Variants in CDH10 observed in about 807,000 individuals in gnomAD.
CDH10 encodes cadherin 10.
In CDH10, 30 loss-of-function variants were observed where a neutral mutation model predicts 73.1. The ratio of observed to expected loss-of-function variants is 0.41; its 90% CI spans 0.31 to 0.56. The LOEUF is 0.56. CDH10 is among the 20% of genes least tolerant of loss of function. The pLI, the probability that CDH10 is intolerant of heterozygous loss-of-function variation, is 0.27. For synonymous variants in CDH10, 345 were observed against 348.2 expected (o/e 0.99, Z 0.10); for missense variants, 815 against 973.7 (o/e 0.84, Z 2.17).
intron 1 of CDH10, among the ~76,000 whole-genome samples, chr5:24,638,763 T>C (rs992026330): frequency 6.6e-6 from 1 of 151,830 alleles, no homozygotes; most frequent in African/African-American, 2.4e-5. Flanking sequence ...CAAAAAAGAA[T>C]AGAAAATATA....
intron 2 of CDH10, among the ~76,000 whole-genome samples, chr5:24,546,837 A>G (rs1744360959): frequency 6.6e-6 from 1 of 152,098 alleles, no homozygotes; most frequent in Non-Finnish European, 1.5e-5. Context: ...TATCTATTTT[A>G]TTTATTTATA....
intron 8 of CDH10, 118 bp downstream of exon 8, chr5:24,504,994 C>T (rs919547706): frequency 2.2e-5 from 16 of 729,378 alleles, no homozygotes; most frequent in Non-Finnish European, 2.0e-5. Context: ...ATTCATCTGT[C>T]CAATGAGAAT....
At chr5:24,532,191 A>C (rs1743778286) in intron 5 of CDH10, among the ~76,000 whole-genome samples, 1 of 152,102 alleles carries the variant, frequency 6.6e-6, no homozygotes, top group Non-Finnish European at 1.5e-5. Context: ...CAGGGAAATA[A>C]TGAATTTGGA....
intron 1 of CDH10, among the ~76,000 whole-genome samples, chr5:24,635,842 GT>G (rs964699731): frequency 1.3e-5 from 2 of 151,846 alleles, no homozygotes; most frequent in African/African-American, 4.8e-5. Flanking sequence ...GCCTGGAAAT[GT>G]TTTGGTTCAA....
intron 2 of CDH10, among the ~76,000 whole-genome samples, chr5:24,558,937 T>C (rs1005402986): frequency 2.6e-5 from 4 of 151,836 alleles, no homozygotes; most frequent in Non-Finnish European, 5.9e-5. Flanking sequence ...TTCTATCTCA[T>C]TCAGCATTCC....
intron 2 of CDH10, among the ~76,000 whole-genome samples, chr5:24,541,403 C>T (rs1006226703): frequency 1.3e-5 from 2 of 151,990 alleles, no homozygotes; most frequent in African/African-American, 4.8e-5. Flanking sequence ...AATTCATTGA[C>T]TGAGTAATGA....
At chr5:24,553,208 A>G (rs1744615446) in intron 2 of CDH10, among the ~76,000 whole-genome samples, 1 of 137,200 alleles carries the variant, frequency 7.3e-6, no homozygotes, top group African/African-American at 2.7e-5. Context: ...AGAGCCACGG[A>G]TTTATTTCTT....
chr5:24,632,662 T>C (rs1457939250), intron 1 of CDH10, among the ~76,000 whole-genome samples: 1 of 152,006 alleles, frequency 6.6e-6, no homozygotes, highest in African/African-American at 2.4e-5. Flanking sequence ...CTAATAGCAA[T>C]GGACAACCAT....
At position 24,521,500 on chromosome 5, in the gene CDH10, G is replaced by A. The variant is rs1025871763; in HGVS notation, c.815-9986C>T. ...CGCATGCCTGTAATCCCAGCTACTC[G>A]GAAGGCTGAGGGAGGAGAAGAGAAT... On this transcript the variant is annotated intron_variant, in intron 5 of 11. Transcript: ENST00000264463. Among the ~76,000 whole-genome samples, 7 of 151,632 alleles carry A rather than the reference G, an allele frequency of 4.6e-5. No homozygotes were observed. The South Asian group carries it at 6.2e-4, about 13-fold the overall frequency.
intron 5 of CDH10, among the ~76,000 whole-genome samples, chr5:24,522,827 T>C (rs1017474476): frequency 2.0e-5 from 3 of 152,216 alleles, no homozygotes; most frequent in African/African-American, 7.2e-5. Context: ...TATGCTCTGC[T>C]ATAAATTTTA....
chr5:24,598,839 GTAA>G (rs1746464700), intron 1 of CDH10, among the ~76,000 whole-genome samples: 1 of 152,084 alleles, frequency 6.6e-6, no homozygotes, highest in African/African-American at 2.4e-5. Context: ...ACACAAACTG[GTAA>G]TACACTTCTC....
At chr5:24,585,832 G>C (rs1745975296) in intron 2 of CDH10, among the ~76,000 whole-genome samples, 2 of 152,140 alleles carry the variant, frequency 1.3e-5, no homozygotes, top group African/African-American at 2.4e-5. Context: ...CAGAAGCTCA[G>C]TTATCACAGG....
intron 9 of CDH10, 78 bp from the exon 10 acceptor site, chr5:24,493,003 G>T: frequency 1.5e-6 from 1 of 667,858 alleles, no homozygotes; most frequent in South Asian, 1.8e-5. Context: ...TCTTCATTTT[G>T]TCTGAAGTTG....
intron 2 of CDH10, among the ~76,000 whole-genome samples, chr5:24,580,781 G>A (rs968112151): frequency 6.6e-6 from 1 of 152,066 alleles, no homozygotes; most frequent in Admixed American, 6.6e-5. Flanking sequence ...GAGATGATAG[G>A]GTTGCATTCC....
At chr5:24,514,062 A>G (rs1321368928) in intron 5 of CDH10, among the ~76,000 whole-genome samples, 1 of 152,152 alleles carries the variant, frequency 6.6e-6, no homozygotes, top group Non-Finnish European at 1.5e-5. Context: ...AGTAGCCACC[A>G]TATCATTATT....
At chr5:24,644,417 GAATTA>G (rs1748149090) in intron 1 of CDH10, among the ~76,000 whole-genome samples, 172 bp downstream of exon 1, 1 of 152,040 alleles carries the variant, frequency 6.6e-6, no homozygotes, top group East Asian at 1.9e-4. Flanking sequence ...GTTGTTTCTA[GAATTA>G]AATATATAGA....
rs538496386 is a variant in CDH10, at chr5:24,498,718, A to C, written c.1394-199T>G. ...GTCATGAATTCAGTTATTATTGGGC[A>C]CAAGGGTACTATTATTATTTTGGAA... On this transcript the variant is annotated intron_variant, in intron 8 of 11. Transcript: ENST00000264463. 2.0e-5 allele frequency among the ~76,000 whole-genome samples: 3 copies of C among 152,336 alleles called. No individual in the cohort carries two copies. In the South Asian group the frequency reaches 6.2e-4, roughly 32 times the overall value.
rs1743808025 is a variant in CDH10 at position 24,533,129 on chromosome 5, T to C, written c.814+1983A>G. 1.3e-5 allele frequency among the ~76,000 whole-genome samples: 2 copies of C among 151,978 alleles called. 1 individual carries two copies. Among genetic ancestry groups the C allele is most frequent in the South Asian group, 4.1e-4 (2 of 4,826 alleles). ...TTGAAAATAATGGGACAGTTCAAGATGAGCCTGGGCAACACGGCGAAACCT... is the reference window on the plus strand; with the variant it reads ...TTGAAAATAATGGGACAGTTCAAGACGAGCCTGGGCAACACGGCGAAACCT... On this transcript the variant is annotated intron_variant, in intron 5 of 11. Coordinates refer to ENST00000264463, the MANE Select transcript of CDH10 (RefSeq NM_006727.5).
At chr5:24,537,257 T>A (rs1050815291) in intron 3 of CDH10, 123 bp downstream of exon 3, 3 of 618,396 alleles carry the variant, frequency 4.9e-6, no homozygotes, top group Admixed American at 3.0e-5. Context: ...AAAAAATAAA[T>A]AAATATGTAC....
Sources: allele counts gnomAD v4.1 joint callset (sites outside exome capture counted in the v4.1 genomes callset), GRCh38; gene constraint gnomAD v4.1.1; transcripts MANE v1.5; gene names NCBI Gene and HGNC (gene_info 2026-07-23, HGNC 2026-07-21).